Variants in PLK2 observed in about 807,000 individuals in gnomAD.
PLK2 encodes the protein polo like kinase 2.
PLK2 carries 25 observed loss-of-function variants against 78.1 expected under a neutral mutation model. The ratio of observed to expected loss-of-function variants is 0.32; its 90% CI spans 0.23 to 0.45. PLK2 has a LOEUF of 0.45. Among genes scored for constraint, PLK2 ranks in the 20% least tolerant of loss-of-function variants. The pLI is 1.00. For synonymous variants in PLK2, 332 were observed against 298.2 expected, an observed-to-expected ratio of 1.11 and a Z score of -1.17; for missense variants, 566 against 840.2, an observed-to-expected ratio of 0.67 and a Z score of 4.04.
chr5:58,455,667 T>C lies in PLK2; in HGVS notation c.1497A>G (p.Thr499=), dbSNP rs757997852. The C allele has an allele frequency of 1.5e-5, 25 of 1,614,178 alleles. No homozygotes were observed. The highest frequency in any genetic ancestry group is 2.1e-5 in the Non-Finnish European group (25 of 1,180,028). The change falls in exon 11 of 14, where the codon ACA becomes ACG. Residue 499 remains threonine (T), a synonymous_variant. Coordinates refer to ENST00000274289, the MANE Select transcript of PLK2 (RefSeq NM_006622.4). Reference sequence around the variant, plus strand: ...CCCATTTGGTGACCCACTGAAATGATGTGCTCAGCTGCTCTTTGGGAATGC... The same window carrying C: ...CCCATTTGGTGACCCACTGAAATGACGTGCTCAGCTGCTCTTTGGGAATGC... ...ADCIPKEQLS[T]SFQWVTKWVD...
At position 58,456,838 on chromosome 5, in the gene PLK2, C is replaced by T. The variant is rs914663346; in HGVS notation, c.1156+107G>A. ...CTATAAATATCAACATTTAAGAATA[C>T]GCAAATATGGCCAAGTTATGCTAAT... On this transcript the variant is annotated intron_variant, in intron 8 of 13. Transcript: ENST00000274289. 30 of 727,714 alleles carry T rather than the reference C, an allele frequency of 4.1e-5. No homozygotes were observed. In the Middle Eastern group the frequency reaches 1.6e-3, roughly 39 times the overall value. The allele number at this position is 727,714 out of a possible 1,614,324, so 45.1% of individuals were successfully genotyped here.
rs764158052 is a variant in PLK2, at chr5:58,454,710, G to C, written c.1931C>G (p.Thr644Ser). ...ICSQNEEYLL[T>S]YINEDRISTT... The stretch of plus-strand genomic sequence containing the variant: ...AGATATCCTATCCTCATTGATGTAG[G>C]TGAGAAGGTATTCTTCATTTTGGCT... Residue 644 changes from threonine (T) to serine (S), a missense_variant, in exon 14 of 14, where the codon ACC becomes AGC. Physicochemically the swap from Thr to Ser is moderately conservative, Grantham distance 58 (BLOSUM62 1). Transcript: ENST00000274289. The C allele has an allele frequency of 6.2e-7, 1 of 1,612,742 alleles. No individual in the cohort carries two copies. Among genetic ancestry groups the C allele is most frequent in the South Asian group, 1.1e-5 (1 of 91,026 alleles).
At chr5:58,458,225 A>G (rs894106635) in intron 4 of PLK2, 54 bp from the exon 5 acceptor site, 10 of 1,371,412 alleles carry the variant, frequency 7.3e-6, no homozygotes, top group Non-Finnish European at 1.0e-5. Flanking sequence ...GTTCTAACCA[A>G]GTACACACAC....
At position 58,456,491 on chromosome 5, in the gene PLK2, C is replaced by A. The variant is rs1743607276; in HGVS notation, c.1254+1G>T. On this transcript the variant is annotated splice_donor_variant, in intron 9 of 13. Transcript: ENST00000274289. LOFTEE classifies it high-confidence loss of function. ...ATCTACTTTACTCTTTCCCAACACA[C>A]CTCATCTGTCCTGTGTTTGCTGGGT... 2 of 1,585,378 alleles carry A rather than the reference C, an allele frequency of 1.3e-6. No homozygotes were observed. The highest frequency in any genetic ancestry group is 1.7e-6 in the Non-Finnish European group (2 of 1,155,342).
intron 4 of PLK2, 106 bp from the exon 5 acceptor site, chr5:58,458,277 G>A (rs368209597): frequency 7.4e-5 from 97 of 1,316,210 alleles, no homozygotes; most frequent in East Asian, 6.2e-4. Flanking sequence ...TATGAAAGTC[G>A]CCCATTCAAA....
chr5:58,459,682 C>T lies in PLK2; in HGVS notation c.270+8G>A. On this transcript the variant is annotated splice_region_variant and intron_variant, in intron 1 of 13. Coordinates refer to ENST00000274289, the MANE Select transcript of PLK2 (RefSeq NM_006622.4). ...CCGCCCGGCAGCCCGGCGCCCTCCG[C>T]TTGTCACCTTTCCCAGCACTTTGCC... 1.9e-6 allele frequency: 3 copies of T among 1,559,632 alleles called. No individual in the cohort carries two copies. Among genetic ancestry groups the T allele is most frequent in the Non-Finnish European group, 1.7e-6 (2 of 1,151,754 alleles).
chr5:58,459,187 A>C (rs1428070458), intron 1 of PLK2, 95 bp from the exon 2 acceptor site: 2 of 201,950 alleles, frequency 9.9e-6, no homozygotes, highest in East Asian at 1.3e-4. Context: ...AAAGAAAAGC[A>C]AAAAAAAAAA....
rs1157654553 is a variant in PLK2, at chr5:58,458,827, T to A, written c.393A>T (p.Ile131=). The part of the protein sequence containing the change: ...PHQREKIDKE[I]ELHRILHHKH... ...TATGATGAAGAATTCTGTGAAGCTC[T>A]ATTTCTTTGTCAATCTAAATGAAAA... is the stretch of plus-strand genomic sequence containing the variant. Residue 131 remains isoleucine (I), a synonymous_variant, in exon 3 of 14, where the codon ATA becomes ATT. Coordinates refer to ENST00000274289, the MANE Select transcript of PLK2 (RefSeq NM_006622.4). 3.8e-6 allele frequency: 6 copies of A among 1,593,352 alleles called. No individual in the cohort carries two copies. In the Admixed American group the frequency reaches 6.7e-5, roughly 18 times the overall value.
Position 58,460,020 on chromosome 5 carries a change from C to G in PLK2, c.-61G>C. ...CCCTAGGCGCGGTCACACGTCCGAG[C>G]CGGCCGTGGTCCTCGCACCCTTGCC... On this transcript the variant is annotated 5_prime_UTR_variant, in exon 1 of 14. Transcript: ENST00000274289. The G allele has an allele frequency of 6.6e-7, 1 of 1,523,380 alleles. No homozygotes were observed. Among genetic ancestry groups the G allele is most frequent in the Non-Finnish European group, 8.8e-7 (1 of 1,136,778 alleles). The allele number at this position is 1,523,380 out of a possible 1,614,324, so 94.4% of individuals were successfully genotyped here.
At position 58,458,418 on chromosome 5, in the gene PLK2, C is replaced by T. The variant is rs373264662; in HGVS notation, c.606G>A (p.Leu202=). Reference sequence around the variant, plus strand: ...ACTTACCTAGTTTGAGATCTCTGTGCAAGATTTCTTGTTCATGAAGGTATT... The same window carrying T: ...ACTTACCTAGTTTGAGATCTCTGTGTAAGATTTCTTGTTCATGAAGGTATT... ...GLKYLHEQEI[L]HRDLKLGNFF... Residue 202 remains leucine, a synonymous_variant, in exon 4 of 14, where the codon TTG becomes TTA. Coordinates refer to ENST00000274289, the MANE Select transcript of PLK2 (RefSeq NM_006622.4). The T allele has an allele frequency of 1.2e-6, 2 of 1,613,836 alleles. No homozygotes were observed. Among genetic ancestry groups the T allele is most frequent in the African/African-American group, 2.7e-5 (2 of 74,900 alleles).
At position 58,459,761 on chromosome 5, in the gene PLK2, G is replaced by A; in HGVS notation, c.199C>T (p.Pro67Ser). The A allele has an allele frequency of 6.2e-7, 1 of 1,607,414 alleles. No homozygotes were observed. Among genetic ancestry groups the A allele is most frequent in the Non-Finnish European group, 8.5e-7 (1 of 1,179,508 alleles). ...HHHHHHSHSG[P>S]EISRIIVDPT... ...TCGACGATAATCCGCGAGATCTCCG[G>A]CCCCGAGTGCGAATGGTGGTGATGG... is the stretch of plus-strand genomic sequence containing the variant. Residue 67 changes from proline (P) to serine (S), a missense_variant, in exon 1 of 14, where the codon CCG becomes TCG. Physicochemically the swap from Pro to Ser is moderately conservative, Grantham distance 74. This residue lies in a region of PLK2 where 127 missense variants were observed against 122.5 expected (regional missense o/e 1.04). Coordinates refer to ENST00000274289, the MANE Select transcript of PLK2 (RefSeq NM_006622.4).
Position 58,458,486 on chromosome 5 carries a change from G to C in PLK2, c.538C>G (p.Pro180Ala). The change falls in exon 4 of 14, where the codon CCA becomes GCA. Residue 180 changes from proline (P) to alanine (A), a missense_variant. Pro to Ala is a conservative substitution (Grantham distance 27). This residue lies in a region of PLK2 where 179 missense variants were observed against 342.3 expected (regional missense o/e 0.52). Coordinates refer to ENST00000274289, the MANE Select transcript of PLK2 (RefSeq NM_006622.4). ...ILKARKVLTE[P>A]EVRYYLRQIV... ...TGCCTGAGGTAGTATCGAACTTCTG[G>C]CTCTGTCAACACCTTTCTTGCTTTC... 1 of 1,612,442 alleles carries C rather than the reference G, an allele frequency of 6.2e-7. No homozygotes were observed. Among genetic ancestry groups the C allele is most frequent in the Non-Finnish European group, 8.5e-7 (1 of 1,178,536 alleles).
rs199852026 is a variant in PLK2, at chr5:58,454,677, A to T, written c.1964T>A (p.Phe655Tyr). ...AGACATCAGCAGAGTTGTCAGCCTG[A>T]AAGTTGTAGATATCCTATCCTCATT... is the stretch of plus-strand genomic sequence containing the variant. ...YINEDRISTT[F>Y]RLTTLLMSGC... The change falls in exon 14 of 14, where the codon TTC becomes TAC. Residue 655 changes from phenylalanine to tyrosine, a missense_variant. Physicochemically the swap from Phe to Tyr is conservative, Grantham distance 22. Coordinates refer to ENST00000274289, the MANE Select transcript of PLK2 (RefSeq NM_006622.4). 1.2e-6 allele frequency: 2 copies of T among 1,613,810 alleles called. No individual in the cohort carries two copies. Among genetic ancestry groups the T allele is most frequent in the East Asian group, 4.5e-5 (2 of 44,870 alleles).
chr5:58,454,727 A>G lies in PLK2; in HGVS notation c.1914T>C (p.Asn638=). ...DHTKIIICSQ[N]EEYLLTYINE... is the part of the protein sequence containing the mutation. The stretch of plus-strand genomic sequence containing the variant: ...TGATGTAGGTGAGAAGGTATTCTTC[A>G]TTTTGGCTACAGATGATGATTTTTG... Residue 638 remains asparagine, a synonymous_variant, in exon 14 of 14, where the codon AAT becomes AAC. Transcript: ENST00000274289. The G allele has an allele frequency of 3.7e-6, 6 of 1,613,246 alleles. No individual in the cohort carries two copies. The highest frequency in any genetic ancestry group is 4.2e-6 in the Non-Finnish European group (5 of 1,179,314).
chr5:58,455,055 C>A (rs1319118505), intron 12 of PLK2, 34 bp from the exon 13 acceptor site: 1 of 1,315,728 alleles, frequency 7.6e-7, no homozygotes, highest in Admixed American at 1.7e-5. Context: ...TTAGTGCCTA[C>A]AAAGATTTTG....
At chr5:58,455,473 T>C in intron 11 of PLK2, 59 bp from the exon 12 acceptor site, 1 of 1,610,862 alleles carries the variant, frequency 6.2e-7, no homozygotes, top group Non-Finnish European at 8.5e-7. Context: ...CAGTTAATCA[T>C]TGTTTTTAGA....
In PLK2 at chr5:58,458,981, G is replaced by T; in HGVS notation, c.378+4C>A. 6.5e-7 allele frequency: 1 copy of T among 1,540,428 alleles called. No individual in the cohort carries two copies. The highest frequency in any genetic ancestry group is 9.0e-7 in the Non-Finnish European group (1 of 1,113,358). On this transcript the variant is annotated splice_donor_region_variant and intron_variant, in intron 2 of 13. Coordinates refer to ENST00000274289, the MANE Select transcript of PLK2 (RefSeq NM_006622.4). ...AAAATACTTTACTCAAGAGTCATAC[G>T]CACCTTTTCCCTTTGATGAGGTTTA... is the stretch of plus-strand genomic sequence containing the variant.
chr5:58,455,180 G>T, intron 12 of PLK2, 105 bp downstream of exon 12: 4 of 1,352,488 alleles, frequency 3.0e-6, no homozygotes, highest in South Asian at 1.3e-5. Flanking sequence ...GTACACCAAC[G>T]GTAGGTCAGG....
At position 58,454,993 on chromosome 5, in the gene PLK2, A is replaced by G. The variant is rs771239107; in HGVS notation, c.1784T>C (p.Ile595Thr). The change falls in exon 13 of 14, where the codon ATT (isoleucine) becomes ACT (threonine). Residue 595 changes from isoleucine to threonine, a missense_variant. Physicochemically the swap from Ile to Thr is moderately conservative, Grantham distance 89. Coordinates refer to ENST00000274289, the MANE Select transcript of PLK2 (RefSeq NM_006622.4). ...DGGDLPSVTDIRRPRLYLLQW... is the reference protein window; with the variant it reads ...DGGDLPSVTDTRRPRLYLLQW... ...AAGGAGGTAGAGCCGAGGTCTTCGA[A>G]TATCAGTAACACTAGGCAGATCTCC... 4.6e-5 allele frequency: 74 copies of G among 1,610,988 alleles called. No homozygotes were observed. The East Asian group carries it at 1.6e-3, about 34-fold the overall frequency.
Sources: gnomAD v4.1 joint callset for allele counts on GRCh38, gnomAD v4.1.1 for gene constraint, gnomAD v4.1.1 regional missense constraint, MANE v1.5 for transcripts, NCBI Gene and HGNC (gene_info 2026-07-23, HGNC 2026-07-21) for gene names.